ZNF273: variants seen among roughly 807,000 people sequenced by gnomAD.
The protein encoded by ZNF273 is zinc finger protein 9.
Under a neutral mutation model 14.9 loss-of-function variants are expected in ZNF273, and 11 were observed. The observed-to-expected ratio is 0.74, with a 90% CI of 0.46 to 1.22. The LOEUF (loss-of-function observed/expected upper bound fraction) is 1.22. Among genes scored for constraint, ZNF273 ranks in the 50% most tolerant of loss-of-function variants. The pLI, the probability that ZNF273 is intolerant of heterozygous loss-of-function variation, is 0.00. For missense variants in ZNF273, 577 were observed against 660.6 expected (o/e 0.87, Z 1.39); for synonymous variants, 199 against 223.9 (o/e 0.89, Z 0.99).
chr7:64,896,017 CT>C (rs1285497445), intron 3 of ZNF273, among the ~76,000 whole-genome samples: 54 of 145,612 alleles, frequency 3.7e-4, no homozygotes, highest in Middle Eastern at 3.6e-3. Context: ...TTTTTCTTTT[CT>C]TTTTTTTTTT....
chr7:64,919,323 G>T (rs1794262808), intron 3 of ZNF273, among the ~76,000 whole-genome samples: 1 of 151,968 alleles, frequency 6.6e-6, no homozygotes, highest in Non-Finnish European at 1.5e-5. Context: ...AAGTTTATTT[G>T]CGTCTTCCTT....
downstream of ZNF273, among the ~76,000 whole-genome samples, chr7:64,894,588 C>G (rs541121768): frequency 3.9e-5 from 4 of 103,178 alleles, no homozygotes; most frequent in East Asian, 1.3e-3. Flanking sequence ...AATGTCACAA[C>G]AGTAAAAAAA....
chr7:64,880,556 T>C (rs997799447), downstream of ZNF273, among the ~76,000 whole-genome samples: 2 of 152,038 alleles, frequency 1.3e-5, no homozygotes, highest in Admixed American at 1.3e-4. Context: ...GAAAGGAATA[T>C]GGCTGAAGCA....
At chr7:64,905,290 GT>G (rs922498288) in intron 1 of ZNF273, among the ~76,000 whole-genome samples, 2 of 151,388 alleles carry the variant, frequency 1.3e-5, no homozygotes, top group Non-Finnish European at 2.9e-5. Flanking sequence ...TAATTTTTGT[GT>G]TTTTTGTAGA....
At chr7:64,903,642 C>A (rs561976233) in intron 1 of ZNF273, among the ~76,000 whole-genome samples, 4 of 152,318 alleles carry the variant, frequency 2.6e-5, no homozygotes, top group African/African-American at 9.6e-5. Context: ...GCGCAGTGAC[C>A]GTTCCCTGGC....
intron 2 of ZNF273, 79 bp from the exon 3 acceptor site, chr7:64,918,118 T>A (rs924724246): frequency 3.8e-6 from 5 of 1,300,520 alleles, no homozygotes; most frequent in Non-Finnish European, 5.2e-6. Context: ...CTTAATTACA[T>A]CCTCTTTACT....
intron 3 of ZNF273, among the ~76,000 whole-genome samples, chr7:64,925,642 G>A (rs932973236): frequency 6.6e-6 from 1 of 152,036 alleles, no homozygotes; most frequent in African/African-American, 2.4e-5. Context: ...GTTTCACAAT[G>A]TTGGCCAGGT....
In ZNF273 at chr7:64,928,041, CAT is replaced by C. The variant is rs1173812362; in HGVS notation, c.714_715del (p.Cys239TrpfsTer5). ...AGAGTGAATTTCTACAAATGTAAGA[CAT>C]GTGGAAAAGCCTTTAACCAGTTCTC... On this transcript the variant is annotated frameshift_variant, in exon 4 of 4. Transcript: ENST00000476120. LOFTEE classifies it low-confidence loss of function (END_TRUNC). The C allele has an allele frequency of 1.2e-5, 20 of 1,608,700 alleles. No individual in the cohort carries two copies. Among genetic ancestry groups the C allele is most frequent in the South Asian group, 4.4e-5 (4 of 90,884 alleles).
downstream of ZNF273, chr7:64,893,987 G>A (rs911203035): frequency 4.0e-5 from 6 of 151,784 alleles, no homozygotes; most frequent in East Asian, 3.9e-4. Flanking sequence ...AGTTCTTTTC[G>A]TGCTAAAACA....
At chr7:64,896,176 G>T (rs1229710984) in intron 3 of ZNF273, among the ~76,000 whole-genome samples, 2 of 151,934 alleles carry the variant, frequency 1.3e-5, no homozygotes, top group Non-Finnish European at 2.9e-5. Flanking sequence ...AGTCTTTTCT[G>T]GAATTTTCTA....
At chr7:64,906,456 A>G (rs992355958) in intron 1 of ZNF273, among the ~76,000 whole-genome samples, 17 of 152,180 alleles carry the variant, frequency 1.1e-4, no homozygotes, top group Admixed American at 9.8e-4. Flanking sequence ...TTCCCCTTAT[A>G]TGATCACTGT....
downstream of ZNF273, chr7:64,889,305 C>A: frequency 4.2e-6 from 4 of 943,372 alleles, no homozygotes; most frequent in South Asian, 1.0e-4. This position sits in a 1 kb window ranked among gnomAD's most constrained non-coding sequence, Gnocchi z 4.2. Context: ...TCTCGCCCGC[C>A]GGTGCCTGAG....
intron 1 of ZNF273, among the ~76,000 whole-genome samples, chr7:64,910,109 ATTG>A (rs771852067): frequency 1.5e-4 from 23 of 151,504 alleles, no homozygotes; most frequent in Non-Finnish European, 2.1e-4. Flanking sequence ...GATATTTTCT[ATTG>A]TTCTGTAGGT....
upstream of ZNF273, among the ~76,000 whole-genome samples, chr7:64,898,741 G>C (rs149294029): frequency 6.6e-6 from 1 of 152,266 alleles, no homozygotes; most frequent in African/African-American, 2.4e-5. Flanking sequence ...GGGGAAATTG[G>C]TATCTCTGTA....
At chr7:64,909,614 CTGCAATGAACATGCATT>C (rs1793351103) in intron 1 of ZNF273, among the ~76,000 whole-genome samples, 2 of 150,706 alleles carry the variant, frequency 1.3e-5, no homozygotes, top group Non-Finnish European at 2.9e-5. Flanking sequence ...GTGTATAGTG[CTGCAATGAACATGCATT>C]TGCATGTGTC....
chr7:64,928,936 T>A lies in ZNF273; in HGVS notation c.1608T>A (p.His536Gln). ...SSNLTRHKKI[H>Q]TGEKPYKPKR... The stretch of plus-strand genomic sequence containing the variant: ...ACCTTACTCGACATAAGAAAATTCA[T>A]ACTGGAGAGAAACCATACAAACCTA... The change falls in exon 4 of 4, where the codon CAT becomes CAA. Residue 536 changes from histidine (H) to glutamine (Q), a missense_variant. Physicochemically the swap from His to Gln is conservative, Grantham distance 24. This residue lies in a region of ZNF273 where 411 missense variants were observed against 440.4 expected (regional missense o/e 0.93). Transcript: ENST00000476120. 1 of 1,613,572 alleles carries A rather than the reference T, an allele frequency of 6.2e-7. No homozygotes were observed. Among genetic ancestry groups the A allele is most frequent in the Non-Finnish European group, 8.5e-7 (1 of 1,179,774 alleles).
chr7:64,896,102 G>T (rs1465301225), intron 3 of ZNF273, among the ~76,000 whole-genome samples: 1 of 151,264 alleles, frequency 6.6e-6, no homozygotes, highest in Non-Finnish European at 1.5e-5. Flanking sequence ...ATTCAACAAA[G>T]TTGCAATAAA....
chr7:64,929,333 A>G lies in ZNF273; in HGVS notation c.*295A>G. On this transcript the variant is annotated 3_prime_UTR_variant, in exon 4 of 4. Transcript: ENST00000476120. ...GTATTTATTTTGAAGAGAAACATTA[A>G]AAGTACAAAGAGGTTTGTAGTACCT... 1 of 196,118 alleles carries G rather than the reference A, an allele frequency of 5.1e-6. No individual in the cohort carries two copies. Among genetic ancestry groups the G allele is most frequent in the Non-Finnish European group, 1.0e-5 (1 of 96,498 alleles). 12.1% of individuals were successfully genotyped at this position (196,118 alleles called of 1,614,324 possible). A position where few individuals can be genotyped will look rare whatever the true frequency, so the allele number is the denominator to read the frequency against.
intron 3 of ZNF273, among the ~76,000 whole-genome samples, chr7:64,925,328 A>G (rs2129100782): frequency 6.6e-6 from 1 of 152,232 alleles, no homozygotes. Flanking sequence ...GTGTATCCAT[A>G]CAGATATTTT....
Sources: allele counts gnomAD v4.1 joint callset (sites outside exome capture counted in the v4.1 genomes callset), GRCh38; gene constraint gnomAD v4.1.1; regional missense constraint gnomAD v4.1.1; non-coding constraint Gnocchi (gnomAD v3.1); transcripts MANE v1.5; gene names NCBI Gene and HGNC (gene_info 2026-07-23, HGNC 2026-07-21).